Variants in KCNJ4 observed in about 807,000 individuals in gnomAD.
KCNJ4 encodes inward rectifier potassium channel 4.
KCNJ4 carries 3 observed loss-of-function variants against 25.6 expected under a neutral mutation model. The observed-to-expected ratio is 0.12, with a 90% CI of 0.05 to 0.30. KCNJ4 has a LOEUF of 0.30. Among genes scored for constraint, KCNJ4 ranks in the 10% least tolerant of loss-of-function variants. The pLI is 1.00. For missense variants in KCNJ4, 286 were observed against 666.8 expected (o/e 0.43, Z 6.29); for synonymous variants, 257 against 283.9 (o/e 0.91, Z 0.95).
chr22:38,445,679 A>T (rs1337321505), intron 1 of KCNJ4, among the ~76,000 whole-genome samples: 3 of 152,154 alleles, frequency 2.0e-5, no homozygotes, highest in Admixed American at 6.6e-5. Context: ...GTCACAAAAT[A>T]ATATTTACCC....
At position 38,452,336 on chromosome 22, in the gene KCNJ4, C is replaced by T. The variant is rs2089414766; in HGVS notation, c.-40+2644G>A. Among the ~76,000 whole-genome samples, 3 of 152,348 alleles carry T rather than the reference C, an allele frequency of 2.0e-5. No homozygotes were observed. The South Asian group carries it at 6.2e-4, about 32-fold the overall frequency. On this transcript the variant is annotated intron_variant, in intron 1 of 1. Coordinates refer to ENST00000303592, the MANE Select transcript of KCNJ4 (RefSeq NM_152868.3). ...CAAGCCTCCCTGCCCCCAGGCTCCA[C>T]CCAGACAGGGGGCTGGCAACATGAC...
chr22:38,441,532 C>T (rs1027845835), intron 1 of KCNJ4, among the ~76,000 whole-genome samples: 3 of 152,062 alleles, frequency 2.0e-5, no homozygotes, highest in Non-Finnish European at 2.9e-5. Context: ...TTGGGGCTGC[C>T]GGCTGGTGGG....
At chr22:38,439,005 G>A (rs1402715002) in intron 1 of KCNJ4, among the ~76,000 whole-genome samples, 1 of 152,230 alleles carries the variant, frequency 6.6e-6, no homozygotes, top group Non-Finnish European at 1.5e-5. Flanking sequence ...CAGCACGTTG[G>A]GAGGCAGAGG....
At chr22:38,439,872 C>T (rs1383231957) in intron 1 of KCNJ4, among the ~76,000 whole-genome samples, 3 of 149,504 alleles carry the variant, frequency 2.0e-5, no homozygotes, top group African/African-American at 7.4e-5. Context: ...AGGCAGATCA[C>T]GAGGTCAGGA....
chr22:38,432,248 T>A (rs1240736883), intron 1 of KCNJ4, among the ~76,000 whole-genome samples: 1 of 147,984 alleles, frequency 6.8e-6, no homozygotes. Flanking sequence ...ACAGAGAGAC[T>A]CCATCTCAAA....
At chr22:38,451,492 G>A (rs1264646849) in intron 1 of KCNJ4, among the ~76,000 whole-genome samples, 1 of 152,194 alleles carries the variant, frequency 6.6e-6, no homozygotes, top group South Asian at 2.1e-4. Flanking sequence ...AGAGGGAGGG[G>A]ATTAGTGCCC....
chr22:38,439,435 TAAATA>T (rs980404453), intron 1 of KCNJ4, among the ~76,000 whole-genome samples: 4 of 146,510 alleles, frequency 2.7e-5, no homozygotes, highest in African/African-American at 1.0e-4. Flanking sequence ...CCGTCTCAAA[TAAATA>T]AAATAAAATA....
intron 1 of KCNJ4, among the ~76,000 whole-genome samples, chr22:38,428,749 G>A (rs367879531): frequency 6.6e-6 from 1 of 152,118 alleles, no homozygotes; most frequent in African/African-American, 2.4e-5. Context: ...GTGGTCAACG[G>A]CCACCACACT....
intron 1 of KCNJ4, among the ~76,000 whole-genome samples, chr22:38,454,076 A>G (rs2089424681): frequency 6.6e-6 from 1 of 152,152 alleles, no homozygotes; most frequent in African/African-American, 2.4e-5. Context: ...GGGAGAACAC[A>G]CACACACACG....
At chr22:38,434,007 G>A (rs1479018778) in intron 1 of KCNJ4, among the ~76,000 whole-genome samples, 12 of 152,170 alleles carry the variant, frequency 7.9e-5, no homozygotes. Flanking sequence ...GGAAGGCTTC[G>A]AGGGCAAATC....
intron 1 of KCNJ4, among the ~76,000 whole-genome samples, chr22:38,441,695 G>C (rs1218706076): frequency 6.6e-6 from 1 of 152,178 alleles, no homozygotes; most frequent in Non-Finnish European, 1.5e-5. Context: ...GGCTGAGTTC[G>C]AGCCCCACTC....
At position 38,427,657 on chromosome 22, in the gene KCNJ4, A is replaced by T; in HGVS notation, c.476T>A (p.Val159Glu). 6.2e-7 allele frequency: 1 copy of T among 1,613,170 alleles called. No homozygotes were observed. The highest frequency in any genetic ancestry group is 8.5e-7 in the Non-Finnish European group (1 of 1,179,978). The change falls in exon 2 of 2, where the codon GTG (valine) becomes GAG (glutamate). Residue 159 changes from valine to glutamate, a missense_variant. This residue lies in a region of KCNJ4 where 29 missense variants were observed against 107.7 expected (regional missense o/e 0.27). Coordinates refer to ENST00000303592, the MANE Select transcript of KCNJ4 (RefSeq NM_152868.3). ...CATGAAGGAGTCGATGACGCAGCCC[A>T]CGATGGACTGGACCACCACAGCGAT... is the stretch of plus-strand genomic sequence containing the variant. ...AVIAVVVQSI[V>E]GCVIDSFMIG...
chr22:38,427,374 G>A lies in KCNJ4; in HGVS notation c.759C>T (p.Ile253=), dbSNP rs2145929952. 2 of 1,614,080 alleles carry A rather than the reference G, an allele frequency of 1.2e-6. No homozygotes were observed. Among genetic ancestry groups the A allele is most frequent in the East Asian group, 4.5e-5 (2 of 44,866 alleles). Residue 253 remains isoleucine (I), a synonymous_variant, in exon 2 of 2, where the codon ATC becomes ATT. Transcript: ENST00000303592. ...CAATGATGATGGGCGACACCAGGAA[G>A]ATGCGGTCCAGGCCGATGTCATAGC... is the stretch of plus-strand genomic sequence containing the variant. ...NVGYDIGLDR[I]FLVSPIIIVH... is the part of the protein sequence containing the mutation.
intron 1 of KCNJ4, among the ~76,000 whole-genome samples, chr22:38,448,332 G>A (rs924359230): frequency 6.6e-5 from 10 of 151,858 alleles, no homozygotes; most frequent in African/African-American, 2.2e-4. Context: ...AGGCAAAACA[G>A]GAAAAGGCTG....
intron 1 of KCNJ4, among the ~76,000 whole-genome samples, chr22:38,448,473 C>T (rs1237901703): frequency 6.6e-6 from 1 of 152,076 alleles, no homozygotes; most frequent in African/African-American, 2.4e-5. Flanking sequence ...GATCCCAGGC[C>T]CCTGACGCAG....
intron 1 of KCNJ4, among the ~76,000 whole-genome samples, chr22:38,436,753 T>A (rs62228861): frequency 0.15 from 22,132 of 152,148 alleles, 2,213 homozygotes; most frequent in Non-Finnish European, 0.22. Flanking sequence ...CTCACAATGA[T>A]CTCAGAGGAA....
chr22:38,442,084 G>A (rs1569122631), intron 1 of KCNJ4, among the ~76,000 whole-genome samples: 1 of 152,114 alleles, frequency 6.6e-6, no homozygotes, highest in African/African-American at 2.4e-5. Flanking sequence ...GGCTGCTCCG[G>A]GGAGGGAAAG....
At chr22:38,436,164 G>A (rs1450531797) in intron 1 of KCNJ4, among the ~76,000 whole-genome samples, 2 of 152,218 alleles carry the variant, frequency 1.3e-5, no homozygotes, top group Non-Finnish European at 2.9e-5. Context: ...GCTAATAATA[G>A]AGCAGACTTC....
At chr22:38,440,048 G>A (rs2089322010) in intron 1 of KCNJ4, among the ~76,000 whole-genome samples, 1 of 147,710 alleles carries the variant, frequency 6.8e-6, no homozygotes, top group Admixed American at 6.8e-5. Flanking sequence ...CTGAGATCGC[G>A]CCACTGCACA....
Sources: gnomAD v4.1 joint callset for allele counts (sites outside exome capture counted in the v4.1 genomes callset) on GRCh38, gnomAD v4.1.1 for gene constraint, gnomAD v4.1.1 regional missense constraint, MANE v1.5 for transcripts, NCBI Gene and HGNC (gene_info 2026-07-23, HGNC 2026-07-21) for gene names.